Variants in USH2A observed in about 807,000 individuals in gnomAD.
The protein encoded by USH2A is usherin.
USH2A carries 443 observed loss-of-function variants against 538.9 expected under a neutral mutation model. That is an observed-to-expected ratio of 0.82 (90% CI 0.76 to 0.89). The LOEUF (loss-of-function observed/expected upper bound fraction) is 0.89. Ranked by LOEUF, USH2A falls within the 40% of genes least tolerant of loss-of-function variation. The pLI is 0.00. For synonymous variants in USH2A, 2,413 were observed against 2,273.5 expected, an observed-to-expected ratio of 1.06 and a Z score of -1.75; for missense variants, 6,633 against 6,324.8, an observed-to-expected ratio of 1.05 and a Z score of -1.65.
At chr1:215,637,622 T>C (rs1656535916) in intron 69 of USH2A, among the ~76,000 whole-genome samples, 1 of 152,164 alleles carries the variant, frequency 6.6e-6, no homozygotes, top group African/African-American at 2.4e-5. Context: ...ATAAGCCGTA[T>C]GAGAAGAATT....
At chr1:215,693,361 T>G (rs939048437) in intron 61 of USH2A, among the ~76,000 whole-genome samples, 6 of 152,060 alleles carry the variant, frequency 3.9e-5, no homozygotes, top group East Asian at 1.9e-4. Context: ...TCAGACTTGG[T>G]GTATCCCATT....
chr1:215,761,836 T>G (rs895441113), intron 56 of USH2A, among the ~76,000 whole-genome samples: 2 of 152,176 alleles, frequency 1.3e-5, no homozygotes, highest in African/African-American at 4.8e-5. Flanking sequence ...TATACTCTGA[T>G]TAGACACTGT....
chr1:215,844,521 T>C (rs758107830), intron 45 of USH2A, 25 bp from the exon 46 acceptor site: 2 of 1,601,518 alleles, frequency 1.2e-6, no homozygotes, highest in African/African-American at 2.7e-5. Context: ...AGAAACTGAA[T>C]AAACTCCAGC....
intron 37 of USH2A, among the ~76,000 whole-genome samples, chr1:215,962,538 GA>G (rs1472272282): frequency 1.3e-5 from 2 of 151,890 alleles, no homozygotes; most frequent in African/African-American, 4.8e-5. Flanking sequence ...TATTAAGATG[GA>G]AAAAAAGCAT....
Position 215,934,597 on chromosome 1 carries a change from A to G in USH2A, c.7300+19T>C. 1 of 1,609,432 alleles carries G rather than the reference A, an allele frequency of 6.2e-7. No homozygotes were observed. The highest frequency in any genetic ancestry group is 8.5e-7 in the Non-Finnish European group (1 of 1,176,796). On this transcript the variant is annotated intron_variant, in intron 38 of 71. Coordinates refer to ENST00000307340, the MANE Select transcript of USH2A (RefSeq NM_206933.4). ...GGCATTTATATAAAATTAGATAGCC[A>G]ACATTTGCATAGACTTACCTCCTGG...
At chr1:216,116,363 G>A (rs2033009063) in intron 21 of USH2A, among the ~76,000 whole-genome samples, 1 of 151,878 alleles carries the variant, frequency 6.6e-6, no homozygotes, top group South Asian at 2.1e-4. Context: ...AGCATTATGG[G>A]GGGAAAAATA....
chr1:216,335,490 G>A (rs1183330632), intron 4 of USH2A, among the ~76,000 whole-genome samples: 2 of 151,358 alleles, frequency 1.3e-5, no homozygotes, highest in Non-Finnish European at 3.0e-5. Flanking sequence ...AACAACAAAA[G>A]TTGATTGTTA....
intron 13 of USH2A, among the ~76,000 whole-genome samples, chr1:216,242,189 T>A (rs1432526442): frequency 5.5e-5 from 8 of 146,554 alleles, no homozygotes; most frequent in East Asian, 2.0e-4. Context: ...ATCTCTGCTT[T>A]AAAAAAAAAA....
chr1:216,382,984 T>C (rs1164145376), intron 3 of USH2A, among the ~76,000 whole-genome samples: 4 of 152,162 alleles, frequency 2.6e-5, no homozygotes, highest in Non-Finnish European at 2.9e-5. Flanking sequence ...ACCTGAATAT[T>C]CAGCTAAGAA....
intron 9 of USH2A, among the ~76,000 whole-genome samples, chr1:216,302,358 A>C (rs2102624212): frequency 6.6e-6 from 1 of 152,344 alleles, no homozygotes; most frequent in African/African-American, 2.4e-5. Flanking sequence ...CAAATGCAAT[A>C]ATACTTCACC....
chr1:216,127,310 A>G (rs2033275419), intron 21 of USH2A, among the ~76,000 whole-genome samples: 2 of 152,212 alleles, frequency 1.3e-5, no homozygotes, highest in African/African-American at 4.8e-5. Flanking sequence ...ATACAGAGGA[A>G]TGGTGTTTCC....
intron 21 of USH2A, among the ~76,000 whole-genome samples, chr1:216,172,331 A>G (rs1409530613): frequency 1.3e-5 from 2 of 152,086 alleles, no homozygotes; most frequent in East Asian, 3.9e-4. Context: ...TTTCATATAT[A>G]AAATATGTAT....
At chr1:216,188,306 T>A (rs953425720) in intron 20 of USH2A, among the ~76,000 whole-genome samples, 1 of 151,800 alleles carries the variant, frequency 6.6e-6, no homozygotes, top group African/African-American at 2.4e-5. Context: ...TCTATTCCCA[T>A]CTCCATGATC....
intron 20 of USH2A, among the ~76,000 whole-genome samples, chr1:216,184,947 G>T (rs990771884): frequency 2.4e-4 from 36 of 151,926 alleles, no homozygotes; most frequent in African/African-American, 6.8e-4. Context: ...ATTTATGACA[G>T]GCAAGGGAAA....
chr1:216,116,470 G>A (rs2033011509), intron 21 of USH2A, among the ~76,000 whole-genome samples: 1 of 151,976 alleles, frequency 6.6e-6, no homozygotes, highest in Non-Finnish European at 1.5e-5. Context: ...GGTAGAAAGT[G>A]TTCAATGACC....
At chr1:216,327,567 G>GTT (rs1477801814) in intron 5 of USH2A, 24 bp downstream of exon 5, 1 of 1,612,374 alleles carries the variant, frequency 6.2e-7, no homozygotes, top group Non-Finnish European at 8.5e-7. Flanking sequence ...GGTTCTTGAG[G>GTT]TTTACAATGC....
intron 40 of USH2A, among the ~76,000 whole-genome samples, chr1:215,897,933 C>T (rs996395296): frequency 2.0e-5 from 3 of 152,128 alleles, no homozygotes; most frequent in Admixed American, 6.5e-5. Context: ...GCTTTGTAGC[C>T]TTGACAGAAA....
At chr1:215,639,675 T>C (rs573912526) in intron 68 of USH2A, among the ~76,000 whole-genome samples, 1 of 152,176 alleles carries the variant, frequency 6.6e-6, no homozygotes, top group Non-Finnish European at 1.5e-5. Flanking sequence ...GCCAGGAACC[T>C]GAGGGAAGTG....
chr1:215,866,414 C>T (rs565206593), intron 44 of USH2A, among the ~76,000 whole-genome samples: 60 of 152,208 alleles, frequency 3.9e-4, no homozygotes, highest in East Asian at 1.9e-3. Context: ...GGTCCAGGGT[C>T]GACCCTGCAT....
Sources: gnomAD v4.1 joint callset for allele counts (sites outside exome capture counted in the v4.1 genomes callset) on GRCh38, gnomAD v4.1.1 for gene constraint, MANE v1.5 for transcripts, NCBI Gene and HGNC (gene_info 2026-07-23, HGNC 2026-07-21) for gene names.